Variants in HS3ST4 observed in about 807,000 individuals in gnomAD.
HS3ST4 encodes heparan sulfate glucosamine 3-O-sulfotransferase 4.
HS3ST4 carries 17 observed loss-of-function variants against 29.2 expected under a neutral mutation model. The ratio of observed to expected loss-of-function variants is 0.58; its 90% CI spans 0.40 to 0.87. HS3ST4 has a LOEUF of 0.87. Among genes scored for constraint, HS3ST4 ranks in the 40% least tolerant of loss-of-function variants. The pLI is 0.00. For synonymous variants in HS3ST4, 314 were observed against 285.7 expected, an observed-to-expected ratio of 1.10 and a Z score of -1.00; for missense variants, 627 against 634.5, an observed-to-expected ratio of 0.99 and a Z score of 0.13.
intron 1 of HS3ST4, among the ~76,000 whole-genome samples, chr16:26,125,772 A>G (rs1899334777): frequency 6.6e-6 from 1 of 152,162 alleles, no homozygotes; most frequent in Non-Finnish European, 1.5e-5. Flanking sequence ...GGACAGAAAT[A>G]GGGCCCAAGG....
chr16:25,708,432 C>T (rs1425047363), intron 1 of HS3ST4, among the ~76,000 whole-genome samples: 1 of 152,152 alleles, frequency 6.6e-6, no homozygotes, highest in African/African-American at 2.4e-5. Flanking sequence ...CATTCTGAAC[C>T]AATTTCTTCA....
rs140441562 is a variant in HS3ST4, at chr16:25,804,738, G to A, written c.734+111587G>A. ...AGCTTGTTATTTGCCCCCCAAAACC[G>A]CACAACATTTTTTTCTAGGGTTTTA... On this transcript the variant is annotated intron_variant, in intron 1 of 1. Coordinates refer to ENST00000331351, the MANE Select transcript of HS3ST4 (RefSeq NM_006040.3). Among the ~76,000 whole-genome samples the A allele has an allele frequency of 3.9e-5, 6 of 152,024 alleles. No individual in the cohort carries two copies. In the East Asian group the frequency reaches 9.7e-4, roughly 25 times the overall value.
chr16:25,989,525 A>G (rs1006276623), intron 1 of HS3ST4, among the ~76,000 whole-genome samples: 2 of 152,154 alleles, frequency 1.3e-5, no homozygotes, highest in Non-Finnish European at 1.5e-5. Flanking sequence ...AGCTATATAA[A>G]TTAGTTGGTG....
At chr16:25,922,944 G>A (rs1406859373) in intron 1 of HS3ST4, among the ~76,000 whole-genome samples, 1 of 152,186 alleles carries the variant, frequency 6.6e-6, no homozygotes, top group Admixed American at 6.5e-5. Flanking sequence ...AGGGCCATTG[G>A]TCAGTTTTCC....
intron 1 of HS3ST4, among the ~76,000 whole-genome samples, chr16:25,756,794 G>C (rs1173433179): frequency 2.0e-5 from 3 of 152,120 alleles, no homozygotes; most frequent in Non-Finnish European, 4.4e-5. Flanking sequence ...AAAAATAAAA[G>C]ACCTAACAGT....
chr16:26,093,807 A>G (rs1314688076), intron 1 of HS3ST4, among the ~76,000 whole-genome samples: 5 of 152,180 alleles, frequency 3.3e-5, no homozygotes, highest in Non-Finnish European at 7.3e-5. Context: ...GGTAATAACA[A>G]ACTTGTCCAA....
intron 1 of HS3ST4, among the ~76,000 whole-genome samples, chr16:26,005,973 A>G (rs998201701): frequency 9.9e-5 from 15 of 152,120 alleles, no homozygotes; most frequent in African/African-American, 3.6e-4. Context: ...TTTAGAGGAA[A>G]ATCACAACTG....
chr16:26,055,126 A>G (rs530871098), intron 1 of HS3ST4, among the ~76,000 whole-genome samples: 1 of 151,338 alleles, frequency 6.6e-6, no homozygotes, highest in Admixed American at 6.6e-5. Flanking sequence ...ATCCTCCAAG[A>G]TTGCTCTTTA....
chr16:25,714,492 A>T (rs1376479412), intron 1 of HS3ST4, among the ~76,000 whole-genome samples: 1 of 152,182 alleles, frequency 6.6e-6, no homozygotes, highest in Non-Finnish European at 1.5e-5. Context: ...CAAAGATCCT[A>T]TGAGATATCC....
chr16:25,796,311 G>A (rs1966885593), intron 1 of HS3ST4, among the ~76,000 whole-genome samples: 1 of 152,036 alleles, frequency 6.6e-6, no homozygotes, highest in South Asian at 2.1e-4. Context: ...GGGGTTTGGG[G>A]GTTTGGCTTT....
chr16:25,882,434 G>A (rs964377194), intron 1 of HS3ST4, among the ~76,000 whole-genome samples: 3 of 152,146 alleles, frequency 2.0e-5, no homozygotes, highest in Admixed American at 2.0e-4. Flanking sequence ...GGAGCAGAGG[G>A]CTATGTCAGC....
At chr16:25,772,537 C>T (rs767758173) in intron 1 of HS3ST4, among the ~76,000 whole-genome samples, 5 of 152,138 alleles carry the variant, frequency 3.3e-5, no homozygotes, top group Non-Finnish European at 5.9e-5. Context: ...TGAAAATGTT[C>T]AGTGTGTTTC....
chr16:25,862,877 C>G (rs1177819363), intron 1 of HS3ST4, among the ~76,000 whole-genome samples: 1 of 152,170 alleles, frequency 6.6e-6, no homozygotes, highest in Admixed American at 6.5e-5. Flanking sequence ...AGTGTTTCCC[C>G]CAGTTTTAGC....
intron 1 of HS3ST4, among the ~76,000 whole-genome samples, chr16:26,055,139 G>T (rs975381599): frequency 2.7e-5 from 4 of 150,012 alleles, no homozygotes; most frequent in African/African-American, 9.8e-5. Flanking sequence ...GCTCTTTAAT[G>T]TGAATCATTC....
chr16:25,696,266 A>G (rs1401444953), intron 1 of HS3ST4, among the ~76,000 whole-genome samples: 2 of 152,180 alleles, frequency 1.3e-5, no homozygotes, highest in African/African-American at 4.8e-5. Context: ...GCCACAGTGC[A>G]CTTTTCAGAA....
At chr16:25,693,202 A>AGGGGAAGCCGCGGC in intron 1 of HS3ST4, 51 bp downstream of exon 1, 5 of 1,485,446 alleles carry the variant, frequency 3.4e-6, no homozygotes, top group Non-Finnish European at 4.5e-6. Flanking sequence ...GGAGACGCGG[A>AGGGGAAGCCGCGGC]GGGGAAGCCG....
intron 1 of HS3ST4, among the ~76,000 whole-genome samples, chr16:25,734,855 C>T (rs1380340025): frequency 6.6e-5 from 10 of 152,246 alleles, no homozygotes; most frequent in African/African-American, 2.4e-5. Flanking sequence ...GATGCTGGGG[C>T]GACCAAAGCC....
intron 1 of HS3ST4, among the ~76,000 whole-genome samples, chr16:25,857,899 TCTTCCTTCCTTC>T (rs370477899): frequency 6.4e-5 from 6 of 93,710 alleles, no homozygotes; most frequent in Admixed American, 1.2e-4. Flanking sequence ...TCTTTTTCTT[TCTTCCTTCCTTC>T]CTTCCTTCCT....
chr16:25,910,304 G>C lies in HS3ST4; in HGVS notation c.734+217153G>C, dbSNP rs144827301. Among the ~76,000 whole-genome samples the C allele has an allele frequency of 2.6e-3, 398 of 152,236 alleles. 1 individual carries two copies. Among genetic ancestry groups the C allele is most frequent in the African/African-American group, 9.3e-3 (387 of 41,550 alleles). On this transcript the variant is annotated intron_variant, in intron 1 of 1. Transcript: ENST00000331351. ...GTCTCTGTTGCAGCTGCTCAACTCCGATGTTACATCAGAGTCCATGAAACA... is the reference window on the plus strand; with the variant it reads ...GTCTCTGTTGCAGCTGCTCAACTCCCATGTTACATCAGAGTCCATGAAACA...
Sources: gnomAD v4.1 joint callset for allele counts (sites outside exome capture counted in the v4.1 genomes callset) on GRCh38, gnomAD v4.1.1 for gene constraint, MANE v1.5 for transcripts, NCBI Gene and HGNC (gene_info 2026-07-23, HGNC 2026-07-21) for gene names.